The following SYTL5 variants were observed in gnomAD, a reference collection of about 807,000 sequenced individuals.
SYTL5 encodes the protein synaptotagmin-like protein 5.
In SYTL5, 34 loss-of-function variants were observed where a neutral mutation model predicts 55.9. That is an observed-to-expected ratio of 0.61 (90% CI 0.46 to 0.81). SYTL5 has a LOEUF of 0.81. SYTL5 is among the 30% of genes least tolerant of loss of function. The pLI is 0.00. For synonymous variants in SYTL5, 221 were observed against 188.7 expected, an observed-to-expected ratio of 1.17 and a Z score of -1.40; for missense variants, 637 against 546.7, an observed-to-expected ratio of 1.17 and a Z score of -1.65.
rs777084254 is a variant in SYTL5, at chrX:38,119,095, T to A, written c.1597-1263T>A. Among the ~76,000 whole-genome samples, 7 of 109,952 alleles carry A rather than the reference T, an allele frequency of 6.4e-5. No individual in the cohort carries two copies. The East Asian group carries it at 8.5e-4, about 13-fold the overall frequency. ...TCCCAAAATGCTGGGATTACAGGCA[T>A]GAGCCACTACACCCAGCCACAACCA... On this transcript the variant is annotated intron_variant, in intron 13 of 16. Coordinates refer to ENST00000297875, the MANE Select transcript of SYTL5 (RefSeq NM_138780.3).
chrX:37,971,953 G>A, the SYTL5 span, among the ~76,000 whole-genome samples: 1 of 110,354 alleles, frequency 9.1e-6, no homozygotes, highest in Non-Finnish European at 1.9e-5. Flanking sequence ...GCCCTCTTAC[G>A]TGTCTCAGTT....
chrX:38,096,457 C>A (rs1405016450), intron 9 of SYTL5, among the ~76,000 whole-genome samples: 1 of 111,223 alleles, frequency 9.0e-6, no homozygotes, highest in Non-Finnish European at 1.9e-5. Context: ...TCTAAGAAAA[C>A]ACATGTTGGA....
chrX:37,957,315 G>T, the SYTL5 span, among the ~76,000 whole-genome samples: 2 of 110,525 alleles, frequency 1.8e-5, no homozygotes, highest in African/African-American at 6.6e-5. Flanking sequence ...TGCTTTTGTT[G>T]CCTGTGCTTT....
At chrX:37,992,171 T>C in the SYTL5 span, among the ~76,000 whole-genome samples, 4 of 113,059 alleles carry the variant, frequency 3.5e-5, no homozygotes, top group African/African-American at 1.3e-4. Flanking sequence ...TTAAGAGGTA[T>C]AGAAATAATT....
intron 1 of SYTL5, among the ~76,000 whole-genome samples, chrX:38,017,543 A>G (rs184314677): frequency 1.8e-5 from 2 of 110,138 alleles, no homozygotes; most frequent in Admixed American, 1.9e-4. Context: ...ATCCCTCTTC[A>G]GTCTCTTTCA....
the SYTL5 span, among the ~76,000 whole-genome samples, chrX:37,987,599 T>G: frequency 8.9e-6 from 1 of 111,843 alleles, no homozygotes; most frequent in South Asian, 3.7e-4. Context: ...ACAGCAGGCA[T>G]GAGGTAAGAA....
At chrX:37,897,805 T>A in the SYTL5 span, among the ~76,000 whole-genome samples, 12 of 111,880 alleles carry the variant, frequency 1.1e-4, no homozygotes. Context: ...CTGCCAAATT[T>A]GGTGTCTGGA....
chrX:38,080,352 T>C (rs1443627987), intron 6 of SYTL5, among the ~76,000 whole-genome samples: 1 of 112,218 alleles, frequency 8.9e-6, no homozygotes, highest in East Asian at 2.8e-4. Flanking sequence ...TATGGCAATA[T>C]CTACATGGAA....
the SYTL5 span, among the ~76,000 whole-genome samples, chrX:37,893,422 C>CATCTATATAT: frequency 1.1e-5 from 1 of 94,927 alleles, no homozygotes; most frequent in Non-Finnish European, 2.0e-5. Flanking sequence ...TAGTATATAT[C>CATCTATATAT]ATCTATATAT....
chrX:37,983,684 A>T, the SYTL5 span, among the ~76,000 whole-genome samples: 1 of 112,376 alleles, frequency 8.9e-6, no homozygotes, highest in African/African-American at 3.2e-5. Flanking sequence ...ACAAAGTAGG[A>T]TGTTTATTTT....
At chrX:37,963,015 A>G in the SYTL5 span, among the ~76,000 whole-genome samples, 1 of 111,766 alleles carries the variant, frequency 8.9e-6, no homozygotes, top group Admixed American at 9.5e-5. Flanking sequence ...TCACTCCTTC[A>G]ATCCATTAAC....
intron 1 of SYTL5, among the ~76,000 whole-genome samples, chrX:38,008,148 A>G (rs1737966162): frequency 8.9e-6 from 1 of 111,922 alleles, no homozygotes; most frequent in Admixed American, 9.5e-5. Context: ...GCTCTATTAT[A>G]TGATGATGTA....
intron 10 of SYTL5, among the ~76,000 whole-genome samples, chrX:38,104,499 G>T (rs932525710): frequency 2.7e-5 from 3 of 111,898 alleles, no homozygotes; most frequent in African/African-American, 9.8e-5. Context: ...TCACTCACTG[G>T]CTTTCTTTAA....
chrX:38,045,800 C>T (rs1935444327), intron 2 of SYTL5, among the ~76,000 whole-genome samples: 1 of 112,138 alleles, frequency 8.9e-6, no homozygotes, highest in African/African-American at 3.2e-5. Flanking sequence ...AAAAGTTATA[C>T]AAAATGTATT....
chrX:37,995,280 A>G, the SYTL5 span, among the ~76,000 whole-genome samples: 42 of 111,753 alleles, frequency 3.8e-4, no homozygotes, highest in East Asian at 1.1e-3. Flanking sequence ...AAGGTCTGAA[A>G]TCAGAGGGCG....
the SYTL5 span, among the ~76,000 whole-genome samples, chrX:37,921,996 C>A: frequency 1.7e-4 from 19 of 112,095 alleles, no homozygotes; most frequent in African/African-American, 6.1e-4. Flanking sequence ...TGCTTGTTTC[C>A]TGATGCTATT....
intron 1 of SYTL5, among the ~76,000 whole-genome samples, chrX:38,007,593 T>G (rs1011180423): frequency 9.0e-6 from 1 of 111,636 alleles, no homozygotes; most frequent in Non-Finnish European, 1.9e-5. Context: ...GTAGCCTCCT[T>G]AAAAAGTATT....
chrX:38,034,734 A>C (rs960728985), intron 2 of SYTL5, among the ~76,000 whole-genome samples: 1 of 112,353 alleles, frequency 8.9e-6, no homozygotes, highest in Non-Finnish European at 1.9e-5. Context: ...ATCAATTCTG[A>C]TTGGTTGCGT....
At chrX:38,116,606 AC>A (rs1313595963) in intron 13 of SYTL5, among the ~76,000 whole-genome samples, 7 of 112,835 alleles carry the variant, frequency 6.2e-5, no homozygotes, top group African/African-American at 2.3e-4. Flanking sequence ...ATTTTTTCTA[AC>A]CTTTGATAGA....
Sources: allele counts gnomAD v4.1 joint callset (sites outside exome capture counted in the v4.1 genomes callset), GRCh38; gene constraint gnomAD v4.1.1; transcripts MANE v1.5; gene names NCBI Gene and HGNC (gene_info 2026-07-23, HGNC 2026-07-21).